Variants in ABTB1 observed in about 807,000 individuals in gnomAD.
ABTB1 encodes the protein ankyrin repeat and BTB/POZ domain-containing protein 1.
A neutral mutation model predicts 57.1 loss-of-function variants in ABTB1; 45 were observed. The ratio of observed to expected loss-of-function variants is 0.79; its 90% CI spans 0.62 to 1.01. The LOEUF (loss-of-function observed/expected upper bound fraction) is 1.01. Ranked by LOEUF, ABTB1 falls within the 50% of genes least tolerant of loss-of-function variation. The pLI is 0.00. For missense variants in ABTB1, 630 were observed against 666.3 expected, an observed-to-expected ratio of 0.95 and a Z score of 0.60; for synonymous variants, 302 against 275.4, an observed-to-expected ratio of 1.10 and a Z score of -0.95.
chr3:127,678,070 T>G (rs1239963020), intron 10 of ABTB1: 1 of 349,386 alleles, frequency 2.9e-6, no homozygotes, highest in Non-Finnish European at 5.3e-6. Flanking sequence ...TCACAGACAC[T>G]CCACACTTGT....
In ABTB1 at chr3:127,676,805, G is replaced by A; in HGVS notation, c.527-162G>A. The A allele has an allele frequency of 1.2e-6, 1 of 846,446 alleles. No individual in the cohort carries two copies. Among genetic ancestry groups the A allele is most frequent in the Non-Finnish European group, 1.8e-6 (1 of 550,388 alleles). The allele number at this position is 846,446 out of a possible 1,614,324, so 52.4% of individuals were successfully genotyped here. On this transcript the variant is annotated intron_variant, in intron 6 of 11. Transcript: ENST00000232744. The surrounding 1 kb of genome is among the most constrained non-coding windows in gnomAD (Gnocchi z 5.4). ...GCTGAGGCCCTCCCATCTGTTCCCT[G>A]GGGCCTGTAGAACAGCTTTTGATGG...
At position 127,676,026 on chromosome 3, in the gene ABTB1, A is replaced by C; in HGVS notation, c.232A>C (p.Ser78Arg). Residue 78 changes from serine (S) to arginine (R), a missense_variant, in exon 4 of 12, where the codon AGT becomes CGT. This residue lies in a region of ABTB1 where 579 missense variants were observed against 585.9 expected (regional missense o/e 0.99). Coordinates refer to ENST00000232744, the MANE Select transcript of ABTB1 (RefSeq NM_172027.3). This position sits in a 1 kb window ranked among gnomAD's most constrained non-coding sequence, Gnocchi z 5.4. Reference sequence around the variant, plus strand: ...TGAGCGCTGCCTCTATGGGGCACTGAGTGACCCCATCCGCCGGGCTCTACG... The same window carrying C: ...TGAGCGCTGCCTCTATGGGGCACTGCGTGACCCCATCCGCCGGGCTCTACG... The part of the protein sequence containing the change: ...DGERCLYGAL[S>R]DPIRRALRDY... 2.5e-6 allele frequency: 4 copies of C among 1,612,788 alleles called. No individual in the cohort carries two copies. Among genetic ancestry groups the C allele is most frequent in the Non-Finnish European group, 3.4e-6 (4 of 1,179,868 alleles).
intron 1 of ABTB1, 84 bp downstream of exon 1, chr3:127,673,165 CCGCGGAGAGGCGGG>C: frequency 7.4e-7 from 1 of 1,346,068 alleles, no homozygotes; most frequent in Non-Finnish European, 9.6e-7. Flanking sequence ...GGCTGGGCGG[CCGCGGAGAGGCGGG>C]CGCCTCTGCC....
Position 127,680,361 on chromosome 3 carries a change from C to T in ABTB1, c.1323C>T (p.Asp441=), listed in dbSNP as rs143520906. The T allele has an allele frequency of 2.3e-4, 363 of 1,608,506 alleles. No individual in the cohort carries two copies. Among genetic ancestry groups the T allele is most frequent in the Non-Finnish European group, 2.9e-4 (342 of 1,177,918 alleles). ...AGACGGACTCTATCCCGCTGGTGGA[C>T]GACATCCGCTTCCACGTGGCCAGCA... ...RQETDSIPLV[D]DIRFHVASTV... is the part of the protein sequence containing the mutation. Residue 441 remains aspartate (D), a synonymous_variant, in exon 12 of 12, where the codon GAC becomes GAT. Transcript: ENST00000232744.
rs753860555 is a variant in ABTB1, at chr3:127,674,417, A to C, written c.83A>C (p.Glu28Ala). 6.9e-7 allele frequency: 1 copy of C among 1,456,354 alleles called. No homozygotes were observed. The highest frequency in any genetic ancestry group is 1.1e-5 in the South Asian group (1 of 88,622). The allele number at this position is 1,456,354 out of a possible 1,614,324, so 90.2% of individuals were successfully genotyped here. A position where few individuals can be genotyped will look rare whatever the true frequency, so the allele number is the denominator to read the frequency against. The part of the protein sequence containing the change: ...VRYLLEQRDV[E>A]VNVRDKWDST... The stretch of plus-strand genomic sequence containing the variant: ...TACCTGCTGGAGCAGCGAGACGTGG[A>C]GGTGAATGTGCGGGACAAGTGGGAC... The change falls in exon 2 of 12, where the codon GAG (glutamate) becomes GCG (alanine). Residue 28 changes from glutamate (E) to alanine (A), a missense_variant. By Grantham distance (107) the Glu-to-Ala change is moderately radical. Coordinates refer to ENST00000232744, the MANE Select transcript of ABTB1 (RefSeq NM_172027.3).
chr3:127,679,907 A>G lies in ABTB1; in HGVS notation c.1030-78A>G. On this transcript the variant is annotated intron_variant, in intron 10 of 11. Coordinates refer to ENST00000232744, the MANE Select transcript of ABTB1 (RefSeq NM_172027.3). ...CCCGCCAGTGCCCCCCAACCACCACAGGCCCTAGCCTTGGCTGTTGTGCCC... is the reference window on the plus strand; with the variant it reads ...CCCGCCAGTGCCCCCCAACCACCACGGGCCCTAGCCTTGGCTGTTGTGCCC... 2.7e-6 allele frequency: 4 copies of G among 1,460,486 alleles called. No individual in the cohort carries two copies. The South Asian group carries it at 3.6e-5, about 13-fold the overall frequency. The allele number at this position is 1,460,486 out of a possible 1,614,324, so 90.5% of individuals were successfully genotyped here.
intron 10 of ABTB1, chr3:127,679,703 C>T (rs2075078304): frequency 1.8e-6 from 1 of 565,188 alleles, no homozygotes. Flanking sequence ...GGAGCTCAGA[C>T]CCTGGCTCCT....
At chr3:127,679,442 G>A in intron 10 of ABTB1, 1 of 446,928 alleles carries the variant, frequency 2.2e-6, no homozygotes, top group East Asian at 7.1e-5. Flanking sequence ...TCCAGCACAG[G>A]ATGTATCTGT....
At chr3:127,674,272 C>T in intron 1 of ABTB1, 119 bp from the exon 2 acceptor site, 2 of 1,352,346 alleles carry the variant, frequency 1.5e-6, no homozygotes, top group Non-Finnish European at 2.0e-6. Context: ...CACCTGCCCT[C>T]ACCTGGGGGA....
In ABTB1 at chr3:127,676,858, G is replaced by C; in HGVS notation, c.527-109G>C. Reference sequence around the variant, plus strand: ...AAACCATGGTGGCAAGTGGGCCCAGGAGTCCTAGTCCTGCAGCCAGGTGGC... The same window carrying C: ...AAACCATGGTGGCAAGTGGGCCCAGCAGTCCTAGTCCTGCAGCCAGGTGGC... On this transcript the variant is annotated intron_variant, in intron 6 of 11. Coordinates refer to ENST00000232744, the MANE Select transcript of ABTB1 (RefSeq NM_172027.3). The surrounding 1 kb of genome is among the most constrained non-coding windows in gnomAD (Gnocchi z 5.4). 1 of 1,114,238 alleles carries C rather than the reference G, an allele frequency of 9.0e-7. No homozygotes were observed. Among genetic ancestry groups the C allele is most frequent in the South Asian group, 1.5e-5 (1 of 68,764 alleles). The allele number at this position is 1,114,238 out of a possible 1,614,324, so 69.0% of individuals were successfully genotyped here. A position where few individuals can be genotyped will look rare whatever the true frequency, so the allele number is the denominator to read the frequency against.
At chr3:127,673,942 T>G (rs985071856) in intron 1 of ABTB1, among the ~76,000 whole-genome samples, 12 of 152,212 alleles carry the variant, frequency 7.9e-5, no homozygotes, top group African/African-American at 2.9e-4. Context: ...AGTTGCTGTA[T>G]CCCGCGACTC....
At position 127,677,699 on chromosome 3, in the gene ABTB1, C is replaced by G. The variant is rs138982766; in HGVS notation, c.885C>G (p.Asp295Glu). ...CHKAFFCGRS[D>E]YFRALLDDHF... is the part of the protein sequence containing the mutation. Reference sequence around the variant, plus strand: ...AGGCCTTTTTCTGTGGCCGCAGTGACTACTTCCGAGCCCTGCTGGATGACC... The same window carrying G: ...AGGCCTTTTTCTGTGGCCGCAGTGAGTACTTCCGAGCCCTGCTGGATGACC... The change falls in exon 10 of 12, where the codon GAC (aspartate) becomes GAG (glutamate). Residue 295 changes from aspartate to glutamate, a missense_variant. This residue lies in a region of ABTB1 where 579 missense variants were observed against 585.9 expected (regional missense o/e 0.99). Transcript: ENST00000232744. 1.6e-4 allele frequency: 264 copies of G among 1,609,750 alleles called. No homozygotes were observed. The highest frequency in any genetic ancestry group is 2.2e-4 in the Non-Finnish European group (254 of 1,178,106).
intron 3 of ABTB1, 90 bp from the exon 4 acceptor site, chr3:127,675,880 C>T (rs2074968844): frequency 2.0e-6 from 3 of 1,520,442 alleles, no homozygotes; most frequent in Non-Finnish European, 2.7e-6. Context: ...TTCGGAGCCC[C>T]ATGTGTGGGA....
chr3:127,674,319 TC>T, intron 1 of ABTB1, 71 bp from the exon 2 acceptor site: 25 of 1,553,464 alleles, frequency 1.6e-5, no homozygotes, highest in Non-Finnish European at 2.2e-5. Context: ...TTCTCTCCGT[TC>T]CTTTCCACGG....
In ABTB1 at chr3:127,677,087, C is replaced by G; in HGVS notation, c.643+4C>G. The G allele has an allele frequency of 6.2e-7, 1 of 1,613,960 alleles. No homozygotes were observed. The highest frequency in any genetic ancestry group is 1.1e-5 in the South Asian group (1 of 91,072). ...TGCGAGAAGGTGTCTGAGTTTGGTG[C>G]GAGCAGGGTTTGGGGCCCGGGGCCA... On this transcript the variant is annotated splice_donor_region_variant and intron_variant, in intron 7 of 11. Coordinates refer to ENST00000232744, the MANE Select transcript of ABTB1 (RefSeq NM_172027.3).
At position 127,677,004 on chromosome 3, in the gene ABTB1, T is replaced by A. The variant is rs201216056; in HGVS notation, c.564T>A (p.Cys188Ter). ...LDIGVEHVSDCERLAKQCQLW... is the reference protein window; with the variant it reads ...LDIGVEHVSD ...TTGGCGTAGAGCATGTGAGTGACTG[T>A]GAGCGCCTGGCCAAGCAATGCCAGC... Residue 188 changes from cysteine to a stop codon, truncating the protein, a stop_gained, in exon 7 of 12, where the codon TGT becomes TGA. Transcript: ENST00000232744. LOFTEE classifies it high-confidence loss of function. 1.8e-5 allele frequency: 29 copies of A among 1,613,888 alleles called. No homozygotes were observed. The highest frequency in any genetic ancestry group is 2.5e-5 in the Non-Finnish European group (29 of 1,179,966).
At chr3:127,675,004 T>G (rs539176528) in intron 3 of ABTB1, among the ~76,000 whole-genome samples, 2 of 152,088 alleles carry the variant, frequency 1.3e-5, no homozygotes, top group East Asian at 3.9e-4. Context: ...ACTGGCCTCA[T>G]TCCTTCGGCT....
At position 127,680,368 on chromosome 3, in the gene ABTB1, C is replaced by G. The variant is rs751245086; in HGVS notation, c.1330C>G (p.Arg444Gly). 3 of 1,608,374 alleles carry G rather than the reference C, an allele frequency of 1.9e-6. No homozygotes were observed. Among genetic ancestry groups the G allele is most frequent in the East Asian group, 2.2e-5 (1 of 44,578 alleles). The change falls in exon 12 of 12, where the codon CGC becomes GGC. Residue 444 changes from arginine to glycine, a missense_variant. Transcript: ENST00000232744. ...CTCTATCCCGCTGGTGGACGACATC[C>G]GCTTCCACGTGGCCAGCACGGTGCA... ...TDSIPLVDDI[R>G]FHVASTVQTY...
chr3:127,674,327 A>G, intron 1 of ABTB1, 64 bp from the exon 2 acceptor site: 1 of 1,562,574 alleles, frequency 6.4e-7, no homozygotes, highest in Non-Finnish European at 8.7e-7. Flanking sequence ...GTTCCTTTCC[A>G]CGGGCCTTCT....
Sources: allele counts gnomAD v4.1 joint callset (sites outside exome capture counted in the v4.1 genomes callset), GRCh38; gene constraint gnomAD v4.1.1; regional missense constraint gnomAD v4.1.1; non-coding constraint Gnocchi (gnomAD v3.1); transcripts MANE v1.5; gene names NCBI Gene and HGNC (gene_info 2026-07-23, HGNC 2026-07-21).